The following ZNF664 variants were observed in gnomAD, a reference collection of about 807,000 sequenced individuals.
ZNF664 encodes zinc finger protein 664, also known as zinc finger Organ of Corti 1.
Under a neutral mutation model 18.2 loss-of-function variants are expected in ZNF664, and 10 were observed. The observed-to-expected ratio is 0.55, with a 90% CI of 0.34 to 0.93. ZNF664 has a LOEUF of 0.93. Among genes scored for constraint, ZNF664 ranks in the 40% least tolerant of loss-of-function variants. The probability of loss-of-function intolerance (pLI) is 0.02; values close to 1 mark genes in which losing one functional copy is unlikely to be tolerated. For missense variants in ZNF664, 193 were observed against 319.0 expected (o/e 0.61, Z 3.01); for synonymous variants, 119 against 104.2 (o/e 1.14, Z -0.86).
chr12:123,976,743 A>C (rs563476231), intron 2 of ZNF664, among the ~76,000 whole-genome samples: 8 of 151,704 alleles, frequency 5.3e-5, no homozygotes, highest in Non-Finnish European at 1.0e-4. Flanking sequence ...ATTCACATTG[A>C]CCTCACGTTA....
At position 124,012,219 on chromosome 12, in the gene ZNF664, C is replaced by T. The variant is rs546497640; in HGVS notation, c.75C>T (p.His25=). 1.2e-6 allele frequency: 2 copies of T among 1,613,910 alleles called. No individual in the cohort carries two copies. The highest frequency in any genetic ancestry group is 1.7e-6 in the Non-Finnish European group (2 of 1,179,988). Residue 25 remains histidine, a synonymous_variant, in exon 5 of 5, where the codon CAC becomes CAT. Transcript: ENST00000337815. ...RADLFMHQKI[H]TAEKPHKCDK... ...ATCTTTTTATGCATCAGAAAATTCA[C>T]ACAGCTGAGAAGCCCCATAAATGTG...
intron 2 of ZNF664, among the ~76,000 whole-genome samples, chr12:123,977,383 G>A (rs1327924536): frequency 6.7e-6 from 1 of 148,418 alleles, no homozygotes; most frequent in Non-Finnish European, 1.5e-5. Context: ...AAAATTGATG[G>A]AGTGACCATG....
At chr12:123,980,600 T>C (rs1479665697) in intron 2 of ZNF664, among the ~76,000 whole-genome samples, 1 of 152,154 alleles carries the variant, frequency 6.6e-6, no homozygotes, top group Non-Finnish European at 1.5e-5. Context: ...ACATTGCCAT[T>C]AAAAACGTTT....
intron 3 of ZNF664, among the ~76,000 whole-genome samples, chr12:123,997,064 TAAAGA>T (rs1956957922): frequency 6.6e-6 from 1 of 152,142 alleles, no homozygotes; most frequent in Non-Finnish European, 1.5e-5. Flanking sequence ...AAAGGAAAAA[TAAAGA>T]TTTTCTATGA....
chr12:124,012,343 G>T lies in ZNF664; in HGVS notation c.199G>T (p.Asp67Tyr). ...CTATAAATGTGATGATTGTGGTAAG[G>T]ATTTTAGCACTACAACAAAACTTAA... Reference protein sequence around the residue: ...KVYKCDDCGKDFSTTTKLNRH... With the variant: ...KVYKCDDCGKYFSTTTKLNRH... The change falls in exon 5 of 5, where the codon GAT (aspartate) becomes TAT (tyrosine). Residue 67 changes from aspartate (D) to tyrosine (Y), a missense_variant. Transcript: ENST00000337815. 6.2e-7 allele frequency: 1 copy of T among 1,614,214 alleles called. No individual in the cohort carries two copies. The highest frequency in any genetic ancestry group is 8.5e-7 in the Non-Finnish European group (1 of 1,180,036).
At chr12:123,981,025 T>TC (rs1312711660) in intron 2 of ZNF664, among the ~76,000 whole-genome samples, 1 of 152,130 alleles carries the variant, frequency 6.6e-6, no homozygotes, top group Admixed American at 6.5e-5. Context: ...GTAAGAACAA[T>TC]CCATTTTGCA....
rs148564813 is a variant in ZNF664 at position 123,991,815 on chromosome 12, A to G, written c.-661+3677A>G. Among the ~76,000 whole-genome samples the G allele has an allele frequency of 5.9e-5, 9 of 152,304 alleles. No homozygotes were observed. The East Asian group carries it at 1.5e-3, about 26-fold the overall frequency. ...TCATCCTTGATCACCCTGATAACAC[A>G]TGCACTTATCCTTCTCAGACTTTCT... is the stretch of plus-strand genomic sequence containing the variant. On this transcript the variant is annotated intron_variant, in intron 3 of 4. Coordinates refer to ENST00000337815, the MANE Select transcript of ZNF664 (RefSeq NM_152437.3).
chr12:123,988,270 C>T (rs1474869287), intron 3 of ZNF664, 132 bp downstream of exon 3: 3 of 733,334 alleles, frequency 4.1e-6, no homozygotes, highest in Non-Finnish European at 5.6e-6. Flanking sequence ...GCTCTCCGTG[C>T]ACGCTCTTCC....
chr12:123,994,866 GAT>G (rs1956929572), intron 3 of ZNF664, among the ~76,000 whole-genome samples: 1 of 152,218 alleles, frequency 6.6e-6, no homozygotes, highest in Non-Finnish European at 1.5e-5. Context: ...TGCCTACCTA[GAT>G]GAACATTAAT....
At chr12:124,008,875 A>C (rs1957103388) in intron 3 of ZNF664, among the ~76,000 whole-genome samples, 1 of 149,534 alleles carries the variant, frequency 6.7e-6, no homozygotes, top group Non-Finnish European at 1.5e-5. Context: ...TGTAAGTGCT[A>C]CTCTGGCTTT....
chr12:124,014,135 T>C lies in ZNF664; in HGVS notation c.*1205T>C, dbSNP rs1162165845. 1 of 155,796 alleles carries C rather than the reference T, an allele frequency of 6.4e-6. No homozygotes were observed. The highest frequency in any genetic ancestry group is 1.5e-5 in the Non-Finnish European group (1 of 66,984). 9.7% of individuals were successfully genotyped at this position (155,796 alleles called of 1,614,324 possible). ...AATGTAGTTTGAGATAGTGATTAAGTGCTATGAAGAAAATAAACTAGGGTG... is the reference window on the plus strand; with the variant it reads ...AATGTAGTTTGAGATAGTGATTAAGCGCTATGAAGAAAATAAACTAGGGTG... On this transcript the variant is annotated 3_prime_UTR_variant, in exon 5 of 5. Transcript: ENST00000337815.
intron 3 of ZNF664, among the ~76,000 whole-genome samples, chr12:124,009,885 CTT>C (rs11337740): frequency 1.8e-3 from 259 of 143,616 alleles, no homozygotes; most frequent in Middle Eastern, 3.6e-3. Context: ...TATTGTGTAC[CTT>C]TTTTTTTTTT....
At chr12:123,996,988 A>AGATACTGTTTGTGG (rs1348797764) in intron 3 of ZNF664, among the ~76,000 whole-genome samples, 4 of 152,230 alleles carry the variant, frequency 2.6e-5, no homozygotes, top group African/African-American at 9.6e-5. Context: ...TGAAGACTGT[A>AGATACTGTTTGTGG]GATACTGTTT....
intron 2 of ZNF664, among the ~76,000 whole-genome samples, chr12:123,980,055 G>T (rs952418216): frequency 6.6e-6 from 1 of 152,096 alleles, no homozygotes; most frequent in Non-Finnish European, 1.5e-5. Context: ...AGAATATACT[G>T]TTGAGCCAAA....
At chr12:123,981,113 A>G (rs1956760213) in intron 2 of ZNF664, among the ~76,000 whole-genome samples, 1 of 152,188 alleles carries the variant, frequency 6.6e-6, no homozygotes, top group Non-Finnish European at 1.5e-5. Context: ...TCCAGGGAAG[A>G]TGATGGTGGC....
At chr12:123,979,368 G>C (rs928303178) in intron 2 of ZNF664, among the ~76,000 whole-genome samples, 12 of 152,106 alleles carry the variant, frequency 7.9e-5, no homozygotes, top group Admixed American at 2.0e-4. Flanking sequence ...TTTTTTGTTG[G>C]GAGGAGGGCA....
intron 2 of ZNF664, among the ~76,000 whole-genome samples, chr12:123,984,326 G>GCT (rs1956800146): frequency 6.6e-6 from 1 of 152,202 alleles, no homozygotes; most frequent in Non-Finnish European, 1.5e-5. Flanking sequence ...AGAACAAAAA[G>GCT]TGCCCTTGGA....
intron 2 of ZNF664, among the ~76,000 whole-genome samples, chr12:123,976,621 T>A (rs1956695030): frequency 6.6e-6 from 1 of 152,068 alleles, no homozygotes; most frequent in African/African-American, 2.4e-5. Flanking sequence ...ACAGCCACTC[T>A]AGTCGTTGCA....
intron 2 of ZNF664, among the ~76,000 whole-genome samples, chr12:123,979,813 CCA>C (rs61089265): frequency 1.8e-4 from 27 of 149,024 alleles, no homozygotes; most frequent in South Asian, 2.1e-4. Context: ...GTAGCTGGGA[CCA>C]CACACACACA....
Sources: allele counts gnomAD v4.1 joint callset (sites outside exome capture counted in the v4.1 genomes callset), GRCh38; gene constraint gnomAD v4.1.1; transcripts MANE v1.5; gene names NCBI Gene and HGNC (gene_info 2026-07-23, HGNC 2026-07-21).